The following DYNC2I1 variants were observed in gnomAD, a reference collection of about 807,000 sequenced individuals.
DYNC2I1 encodes the protein dynein 2 intermediate chain 1.
In DYNC2I1, 89 loss-of-function variants were observed where a neutral mutation model predicts 133.4. The ratio of observed to expected loss-of-function variants is 0.67; its 90% CI spans 0.56 to 0.80. The LOEUF (loss-of-function observed/expected upper bound fraction) is 0.80, where lower values mean the gene tolerates loss of function less well. DYNC2I1 is among the 30% of genes least tolerant of loss of function. DYNC2I1 has a pLI of 0.00. For synonymous variants in DYNC2I1, 504 were observed against 484.3 expected (o/e 1.04, Z -0.54); for missense variants, 1,291 against 1,314.5 (o/e 0.98, Z 0.28).
In DYNC2I1 at chr7:158,871,457, G is replaced by C; in HGVS notation, c.385G>C (p.Ala129Pro). The change falls in exon 3 of 25, where the codon GCC (alanine) becomes CCC (proline). Residue 129 changes from alanine (A) to proline (P), a missense_variant. Physicochemically the swap from Ala to Pro is conservative, Grantham distance 27. Coordinates refer to ENST00000407559, the MANE Select transcript of DYNC2I1 (RefSeq NM_018051.5). ...CAGGGAAAAAGAAAAAGACAGAAGG[G>C]CCCGGAAGGAAGAGCTCCGGCAGAC... is the stretch of plus-strand genomic sequence containing the variant. Reference protein sequence around the residue: ...KDREKEKDRRARKEELRQTVA... With the variant: ...KDREKEKDRRPRKEELRQTVA... 1.9e-6 allele frequency: 3 copies of C among 1,550,266 alleles called. No homozygotes were observed. The South Asian group carries it at 3.6e-5, about 18-fold the overall frequency.
intron 15 of DYNC2I1, among the ~76,000 whole-genome samples, chr7:158,919,505 A>C (rs1848799486): frequency 6.6e-6 from 1 of 152,190 alleles, no homozygotes; most frequent in Non-Finnish European, 1.5e-5. Flanking sequence ...CGGGTACCGG[A>C]GGGCAGCCAT....
rs956462034 is a variant in DYNC2I1, at chr7:158,893,719, G to A, written c.1059+2386G>A. ...CCTACTGCATATCGTACCACATATC[G>A]TACTGCATGTCACACCGCATATCAT... On this transcript the variant is annotated intron_variant, in intron 8 of 24. Transcript: ENST00000407559. Among the ~76,000 whole-genome samples, 45 of 146,204 alleles carry A rather than the reference G, an allele frequency of 3.1e-4. 1 individual carries two copies. The highest frequency in any genetic ancestry group is 3.5e-3 in the Middle Eastern group (1 of 284).
intron 5 of DYNC2I1, among the ~76,000 whole-genome samples, chr7:158,882,914 C>T (rs956012219): frequency 6.6e-5 from 10 of 150,742 alleles, no homozygotes; most frequent in East Asian, 2.0e-4. Context: ...AACAGATACA[C>T]GATACAATAT....
chr7:158,911,009 C>G (rs774079307), intron 11 of DYNC2I1, among the ~76,000 whole-genome samples: 35 of 98,712 alleles, frequency 3.5e-4, no homozygotes, highest in South Asian at 7.0e-4. Context: ...GTTTCAGGCC[C>G]GTGGGCCGAG....
Position 158,942,050 on chromosome 7 carries a change from C to A in DYNC2I1, c.2904C>A (p.Ala968=), listed in dbSNP as rs374305328. 6.2e-7 allele frequency: 1 copy of A among 1,613,102 alleles called. No individual in the cohort carries two copies. The highest frequency in any genetic ancestry group is 1.7e-5 in the Admixed American group (1 of 59,990). ...TGLQWSPTRP[A]VFLVQDDTSN... ...TGCAGTGGTCCCCAACCAGGCCTGC[C>A]GTGTTCCTGGTGCAGGACGACACAT... Residue 968 remains alanine (A), a synonymous_variant, in exon 24 of 25, where the codon GCC becomes GCA. Coordinates refer to ENST00000407559, the MANE Select transcript of DYNC2I1 (RefSeq NM_018051.5).
intron 8 of DYNC2I1, 122 bp downstream of exon 8, chr7:158,891,455 A>G (rs922730612): frequency 1.9e-6 from 2 of 1,075,262 alleles, no homozygotes; most frequent in Non-Finnish European, 1.4e-6. Flanking sequence ...ACAGCAGAAC[A>G]TGAGCATGAA....
chr7:158,929,482 G>T (rs868595143), intron 20 of DYNC2I1, among the ~76,000 whole-genome samples: 1 of 152,118 alleles, frequency 6.6e-6, no homozygotes, highest in Non-Finnish European at 1.5e-5. Flanking sequence ...TGGCGTGTAG[G>T]GGCCAGTGGG....
chr7:158,876,672 GA>G lies in DYNC2I1; in HGVS notation c.556del (p.Arg186AspfsTer132). The G allele has an allele frequency of 1.9e-6, 3 of 1,572,992 alleles. No individual in the cohort carries two copies. The highest frequency in any genetic ancestry group is 2.6e-6 in the Non-Finnish European group (3 of 1,167,024). On this transcript the variant is annotated frameshift_variant, in exon 4 of 25. Coordinates refer to ENST00000407559, the MANE Select transcript of DYNC2I1 (RefSeq NM_018051.5). LOFTEE classifies it high-confidence loss of function. ...DSERGDEDRERRYRERKLQYG... is the reference protein window; with the variant it reads ...DSERGDEDREXRYRERKLQYG... ...GAAAGAGGAGATGAAGATAGAGAAA[GA>G]AGATACCGAGAAAGAAAGGTATACG...
intron 20 of DYNC2I1, among the ~76,000 whole-genome samples, chr7:158,929,631 G>A (rs1850009539): frequency 1.3e-5 from 2 of 152,238 alleles, no homozygotes; most frequent in Admixed American, 6.5e-5. Context: ...CAGGAGATAC[G>A]CAGCAGCTAC....
At chr7:158,847,299 G>T in the DYNC2I1 span, among the ~76,000 whole-genome samples, 1 of 152,028 alleles carries the variant, frequency 6.6e-6, no homozygotes, top group Non-Finnish European at 1.5e-5. Flanking sequence ...CAAGGATGTG[G>T]TTTTTGCTAA....
Position 158,926,104 on chromosome 7 carries a change from C to T in DYNC2I1, c.2258-83C>T, listed in dbSNP as rs1585195661. The T allele has an allele frequency of 1.2e-5, 13 of 1,102,454 alleles. No individual in the cohort carries two copies. In the East Asian group the frequency reaches 2.8e-4, roughly 24 times the overall value. The allele number at this position is 1,102,454 out of a possible 1,614,324, so 68.3% of individuals were successfully genotyped here. The stretch of plus-strand genomic sequence containing the variant: ...TTGGATCTGTGAGACCCAGAAGCAC[C>T]TCGTGTTTGTCCCTGTGTGATGCGA... On this transcript the variant is annotated intron_variant, in intron 17 of 24. Transcript: ENST00000407559.
intron 7 of DYNC2I1, 102 bp from the exon 8 acceptor site, chr7:158,891,163 G>A: frequency 7.8e-7 from 1 of 1,284,904 alleles, no homozygotes. Context: ...GTTTGCTGAG[G>A]GCTGGCGGGC....
intron 1 of DYNC2I1, among the ~76,000 whole-genome samples, chr7:158,865,981 A>G (rs764290260): frequency 2.6e-5 from 4 of 152,200 alleles, no homozygotes; most frequent in Non-Finnish European, 4.4e-5. Flanking sequence ...TATTCTGTGC[A>G]TTTAAGAAAA....
At chr7:158,949,734 TA>T (rs1410089558), downstream of DYNC2I1, among the ~76,000 whole-genome samples, 2 of 150,790 alleles carry the variant, frequency 1.3e-5, no homozygotes, top group African/African-American at 2.4e-5. Context: ...GCAAGACAAG[TA>T]AGGATGCTTA....
chr7:158,951,279 G>C (rs114051416), intron 4 of DYNC2I1, among the ~76,000 whole-genome samples: 2,251 of 152,316 alleles, frequency 0.015, 41 homozygotes, highest in African/African-American at 0.05. Flanking sequence ...TTTTTGGCCT[G>C]GATGTGGCTG....
At chr7:158,925,436 T>C (rs1849516076) in intron 17 of DYNC2I1, among the ~76,000 whole-genome samples, 2 of 152,190 alleles carry the variant, frequency 1.3e-5, no homozygotes, top group African/African-American at 4.8e-5. Context: ...ATTTGGAACG[T>C]TGAGTTTTGT....
rs181982386 is a variant in DYNC2I1 at position 158,868,606 on chromosome 7, A to C, written c.16-1249A>C. Reference sequence around the variant, plus strand: ...CGAGGAGCTTGGTGTGTATTTGCTGAATACAAGTACAGGGCCCTGGAGGGC... The same window carrying C: ...CGAGGAGCTTGGTGTGTATTTGCTGCATACAAGTACAGGGCCCTGGAGGGC... On this transcript the variant is annotated intron_variant, in intron 1 of 24. Transcript: ENST00000407559. 3.9e-5 allele frequency among the ~76,000 whole-genome samples: 6 copies of C among 152,356 alleles called. No individual in the cohort carries two copies. The East Asian group carries it at 1.2e-3, about 29-fold the overall frequency.
At chr7:158,909,376 G>A (rs1004687847) in intron 11 of DYNC2I1, among the ~76,000 whole-genome samples, 2 of 149,248 alleles carry the variant, frequency 1.3e-5, no homozygotes, top group Non-Finnish European at 3.0e-5. Context: ...CAGTACTGAT[G>A]AGAATGTAGA....
chr7:158,856,558 G>A lies in DYNC2I1; in HGVS notation c.-178G>A. On this transcript the variant is annotated 5_prime_UTR_variant, in exon 1 of 25. Transcript: ENST00000407559. Reference sequence around the variant, plus strand: ...AATGCCGGGGATGCGCAGGCGCACTGGGAGAGGCCGCAGGGCACGCTGGGC... The same window carrying A: ...AATGCCGGGGATGCGCAGGCGCACTAGGAGAGGCCGCAGGGCACGCTGGGC... 1 of 571,926 alleles carries A rather than the reference G, an allele frequency of 1.7e-6. No homozygotes were observed. The highest frequency in any genetic ancestry group is 2.6e-6 in the Non-Finnish European group (1 of 386,838). 35.4% of individuals were successfully genotyped at this position (571,926 alleles called of 1,614,324 possible). A position where few individuals can be genotyped will look rare whatever the true frequency, so the allele number is the denominator to read the frequency against.
Sources: gnomAD v4.1 joint callset for allele counts (sites outside exome capture counted in the v4.1 genomes callset) on GRCh38, gnomAD v4.1.1 for gene constraint, MANE v1.5 for transcripts, NCBI Gene and HGNC (gene_info 2026-07-23, HGNC 2026-07-21) for gene names.